Variants in CGNL1 observed in about 807,000 individuals in gnomAD.
CGNL1 encodes cingulin-like protein 1.
In CGNL1, 132 loss-of-function variants were observed where a neutral mutation model predicts 141.2. The ratio of observed to expected loss-of-function variants is 0.93; its 90% CI spans 0.81 to 1.08. CGNL1 has a LOEUF of 1.08. Among genes scored for constraint, CGNL1 ranks in the 50% least tolerant of loss-of-function variants. CGNL1 has a pLI of 0.00. For synonymous variants in CGNL1, 690 were observed against 622.1 expected (o/e 1.11, Z -1.63); for missense variants, 1,870 against 1,588.6 (o/e 1.18, Z -3.01).
intron 8 of CGNL1, 67 bp downstream of exon 8, chr15:57,461,959 C>A: frequency 8.8e-7 from 1 of 1,131,524 alleles, no homozygotes; most frequent in Non-Finnish European, 1.3e-6. Flanking sequence ...TCTCCCACAC[C>A]ACTGCAAATC....
At chr15:57,393,241 A>C (rs1367962534) in intron 1 of CGNL1, among the ~76,000 whole-genome samples, 1 of 152,232 alleles carries the variant, frequency 6.6e-6, no homozygotes, top group Non-Finnish European at 1.5e-5. Flanking sequence ...GGGTTTTAGC[A>C]TTGAGGCCTT....
At chr15:57,464,425 G>T (rs1567134653) in intron 8 of CGNL1, among the ~76,000 whole-genome samples, 2 of 152,130 alleles carry the variant, frequency 1.3e-5, no homozygotes, top group Non-Finnish European at 2.9e-5. Context: ...CACCCCATAT[G>T]CAAGTCAAGA....
intron 8 of CGNL1, among the ~76,000 whole-genome samples, chr15:57,509,365 G>A (rs1430741236): frequency 2.0e-5 from 3 of 152,254 alleles, no homozygotes; most frequent in East Asian, 1.9e-4. Flanking sequence ...AACAAAAGCC[G>A]GCTGTGGCAG....
intron 1 of CGNL1, chr15:57,405,820 TTC>T (rs1354121530): frequency 9.3e-6 from 1 of 108,004 alleles, no homozygotes; most frequent in African/African-American, 4.0e-5. Context: ...CCTTCTTTCT[TTC>T]TTTCTTTTTC....
intron 4 of CGNL1, 116 bp from the exon 5 acceptor site, chr15:57,451,384 A>C: frequency 1.4e-6 from 1 of 697,032 alleles, no homozygotes. Flanking sequence ...TTGGGTCTTA[A>C]AATGTTTAGT....
At chr15:57,380,151 A>T (rs1192375897) in intron 1 of CGNL1, among the ~76,000 whole-genome samples, 1 of 152,128 alleles carries the variant, frequency 6.6e-6, no homozygotes, top group Non-Finnish European at 1.5e-5. Flanking sequence ...TCCCTGCCTC[A>T]GCCTCCTGAG....
intron 1 of CGNL1, among the ~76,000 whole-genome samples, chr15:57,426,429 G>A (rs2062974820): frequency 6.7e-6 from 1 of 149,360 alleles, no homozygotes; most frequent in African/African-American, 2.5e-5. Context: ...ACAGGCATGA[G>A]CCACCACACC....
intron 1 of CGNL1, among the ~76,000 whole-genome samples, chr15:57,387,789 G>A (rs73421426): frequency 0.026 from 4,036 of 152,344 alleles, 168 homozygotes; most frequent in African/African-American, 0.091. Flanking sequence ...ATGAGGAGCT[G>A]TGGAGTGAGT....
intron 1 of CGNL1, among the ~76,000 whole-genome samples, chr15:57,392,342 T>G (rs2062553026): frequency 1.3e-5 from 2 of 151,464 alleles, no homozygotes; most frequent in Admixed American, 1.3e-4. Flanking sequence ...TAGAGGGAGG[T>G]TGGGGAAGGG....
At chr15:57,476,141 G>A (rs1319032554) in intron 8 of CGNL1, among the ~76,000 whole-genome samples, 6 of 152,158 alleles carry the variant, frequency 3.9e-5, no homozygotes, top group Non-Finnish European at 7.3e-5. Flanking sequence ...AGTTCGGTGT[G>A]GGGCATGAGA....
intron 4 of CGNL1, among the ~76,000 whole-genome samples, chr15:57,448,436 A>G (rs138418988): frequency 0.012 from 1,850 of 152,216 alleles, 45 homozygotes; most frequent in African/African-American, 0.042. Context: ...ATCACCTGAG[A>G]TCGGGAGTTC....
intron 8 of CGNL1, among the ~76,000 whole-genome samples, chr15:57,485,507 G>A (rs12593721): frequency 0.13 from 19,553 of 152,148 alleles, 1,863 homozygotes; most frequent in East Asian, 0.46. Context: ...CAAAAAATAG[G>A]AATACATCCT....
At chr15:57,499,238 C>CTTTT (rs201081475) in intron 8 of CGNL1, among the ~76,000 whole-genome samples, 12 of 91,830 alleles carry the variant, frequency 1.3e-4, no homozygotes, top group African/African-American at 3.5e-4. Flanking sequence ...AAGTTAATGG[C>CTTTT]TTTTTTTTTT....
chr15:57,410,554 CA>C (rs1255664476), intron 1 of CGNL1, among the ~76,000 whole-genome samples: 2 of 152,154 alleles, frequency 1.3e-5, no homozygotes, highest in Non-Finnish European at 2.9e-5. Flanking sequence ...TCTTTCTAGG[CA>C]GGCATTTTGG....
At chr15:57,531,371 A>G (rs1450549027) in intron 13 of CGNL1, among the ~76,000 whole-genome samples, 1 of 152,230 alleles carries the variant, frequency 6.6e-6, no homozygotes, top group Non-Finnish European at 1.5e-5. Context: ...ATTGATTCAC[A>G]GGGAGAAACA....
chr15:57,426,398 G>C (rs939098395), intron 1 of CGNL1, among the ~76,000 whole-genome samples: 2 of 151,708 alleles, frequency 1.3e-5, no homozygotes, highest in Non-Finnish European at 1.5e-5. Context: ...ACCTGCCTAG[G>C]CCTCCCAAAG....
At chr15:57,520,355 G>A (rs189971899) in intron 10 of CGNL1, among the ~76,000 whole-genome samples, 89 of 152,334 alleles carry the variant, frequency 5.8e-4, no homozygotes, top group African/African-American at 2.1e-3. Context: ...CTTAGTCCTT[G>A]AGGAAAGAAA....
intron 4 of CGNL1, among the ~76,000 whole-genome samples, chr15:57,447,878 A>G (rs954906385): frequency 2.0e-5 from 3 of 151,020 alleles, no homozygotes; most frequent in Admixed American, 6.6e-5. Context: ...GATATTCTGG[A>G]TATTTTCTAT....
chr15:57,513,277 T>TGG (rs753954408), intron 8 of CGNL1, among the ~76,000 whole-genome samples: 7 of 116,530 alleles, frequency 6.0e-5, no homozygotes, highest in Non-Finnish European at 9.4e-5. Flanking sequence ...TGTGTGTGTG[T>TGG]GTGTGTGTGT....
Sources: gnomAD v4.1 joint callset for allele counts (sites outside exome capture counted in the v4.1 genomes callset) on GRCh38, gnomAD v4.1.1 for gene constraint, MANE v1.5 for transcripts, NCBI Gene and HGNC (gene_info 2026-07-23, HGNC 2026-07-21) for gene names.